LRRK2: variants seen among roughly 807,000 people sequenced by gnomAD.
LRRK2 encodes the protein leucine rich repeat kinase 2.
Under a neutral mutation model 302.6 loss-of-function variants are expected in LRRK2, and 203 were observed. The ratio of observed to expected loss-of-function variants is 0.67; its 90% CI spans 0.60 to 0.75. The LOEUF is 0.75. LRRK2 is among the 30% of genes least tolerant of loss of function. The probability of loss-of-function intolerance (pLI) is 0.00; values close to 1 mark genes in which losing one functional copy is unlikely to be tolerated. For synonymous variants in LRRK2, 1,066 were observed against 1,031.9 expected (o/e 1.03, Z -0.63); for missense variants, 2,830 against 2,951.0 (o/e 0.96, Z 0.95).
In LRRK2 at chr12:40,367,949, AGAAC is replaced by A; in HGVS notation, c.*185_*188del. On this transcript the variant is annotated 3_prime_UTR_variant, in exon 51 of 51. Coordinates refer to ENST00000298910, the MANE Select transcript of LRRK2 (RefSeq NM_198578.4). ...ACTTACCAGTAAATGTGTATTTTAAAGAACTATTTAAAACACAATGTTATATTTC... is the reference window on the plus strand; with the variant it reads ...ACTTACCAGTAAATGTGTATTTTAAATATTTAAAACACAATGTTATATTTC... The A allele has an allele frequency of 4.7e-6, 2 of 426,448 alleles. No individual in the cohort carries two copies. The highest frequency in any genetic ancestry group is 8.2e-6 in the Non-Finnish European group (2 of 245,358). 26.4% of individuals were successfully genotyped at this position (426,448 alleles called of 1,614,324 possible).
At chr12:40,360,917 G>C (rs1021974203) in intron 47 of LRRK2, among the ~76,000 whole-genome samples, 9 of 152,058 alleles carry the variant, frequency 5.9e-5, no homozygotes, top group African/African-American at 1.9e-4. Context: ...CTGAGTGGCA[G>C]GTTAGGTGAC....
chr12:40,331,597 C>A (rs903532414), intron 39 of LRRK2, among the ~76,000 whole-genome samples: 52 of 150,554 alleles, frequency 3.5e-4, no homozygotes, highest in African/African-American at 1.0e-3. Flanking sequence ...AAAAAAATTA[C>A]AAAAAAAAAA....
At chr12:40,295,195 T>C (rs1050070753) in intron 22 of LRRK2, among the ~76,000 whole-genome samples, 6 of 152,008 alleles carry the variant, frequency 3.9e-5, no homozygotes, top group Admixed American at 3.9e-4. Flanking sequence ...CATCCTCTCC[T>C]CCAGTTTTCT....
At chr12:40,330,276 G>A (rs866660156) in intron 39 of LRRK2, among the ~76,000 whole-genome samples, 19 of 152,064 alleles carry the variant, frequency 1.2e-4, no homozygotes, top group Admixed American at 3.3e-4. Context: ...CCATGTGGTG[G>A]ATATGTCATC....
rs767307387 is a variant in LRRK2, at chr12:40,320,041, G to T, written c.4881G>T (p.Ser1627=). The part of the protein sequence containing the change: ...GCPKHPKGII[S]RRDVEKFLSK... Reference sequence around the variant, plus strand: ...CAAAACACCCTAAGGGCATTATTTCGCGTAGAGATGTGGAAAAATTTCTTT... The same window carrying T: ...CAAAACACCCTAAGGGCATTATTTCTCGTAGAGATGTGGAAAAATTTCTTT... The change falls in exon 34 of 51, where the codon TCG becomes TCT. Residue 1627 remains serine, a synonymous_variant. Transcript: ENST00000298910. 6.2e-7 allele frequency: 1 copy of T among 1,611,676 alleles called. No individual in the cohort carries two copies. Among genetic ancestry groups the T allele is most frequent in the African/African-American group, 1.3e-5 (1 of 74,866 alleles).
At chr12:40,282,030 C>G in intron 18 of LRRK2, among the ~76,000 whole-genome samples, 1 of 14,862 alleles carries the variant, frequency 6.7e-5, no homozygotes, top group Non-Finnish European at 1.4e-4. Context: ...CTTCCCTTCC[C>G]TTCCCTTCCC....
At chr12:40,336,351 A>G (rs1440569198) in intron 40 of LRRK2, among the ~76,000 whole-genome samples, 1 of 152,192 alleles carries the variant, frequency 6.6e-6, no homozygotes, top group Non-Finnish European at 1.5e-5. Flanking sequence ...TCCAGCCCCT[A>G]TAGGACTATT....
At chr12:40,330,204 A>G (rs1201794561) in intron 39 of LRRK2, among the ~76,000 whole-genome samples, 1 of 152,178 alleles carries the variant, frequency 6.6e-6, no homozygotes, top group East Asian at 1.9e-4. Flanking sequence ...TTTTAAGAAA[A>G]GGTGTTTGTG....
rs139788905 is a variant in LRRK2, at chr12:40,251,175, A to C, written c.959-57A>C. 256 of 1,202,786 alleles carry C rather than the reference A, an allele frequency of 2.1e-4. 1 individual carries two copies. In the African/African-American group the frequency reaches 2.7e-3, roughly 13 times the overall value. The allele number at this position is 1,202,786 out of a possible 1,614,324, so 74.5% of individuals were successfully genotyped here. On this transcript the variant is annotated intron_variant, in intron 8 of 50. Transcript: ENST00000298910. ...CAAAATATGGACTTAGAGTTGGTCA[A>C]ACTGTTAAGTAGATAATATATATAA... is the stretch of plus-strand genomic sequence containing the variant.
At chr12:40,365,186 A>T in intron 49 of LRRK2, 136 bp downstream of exon 49, 1 of 773,302 alleles carries the variant, frequency 1.3e-6, no homozygotes, top group Non-Finnish European at 2.1e-6. Context: ...GAAACATAAG[A>T]CTGGTATAAA....
chr12:40,307,781 C>CTTTTTTTTTTTT (rs201473630), intron 28 of LRRK2, among the ~76,000 whole-genome samples: 31 of 119,370 alleles, frequency 2.6e-4, no homozygotes, highest in Middle Eastern at 5.8e-3. Flanking sequence ...CTTTTCTTTT[C>CTTTTTTTTTTTT]TTTTTTTTTT....
chr12:40,260,541 G>A (rs1942723042), intron 13 of LRRK2, among the ~76,000 whole-genome samples: 1 of 151,792 alleles, frequency 6.6e-6, no homozygotes, highest in Admixed American at 6.6e-5. Flanking sequence ...GAAAGGCTGA[G>A]GCCCAAAGAA....
chr12:40,292,471 T>C (rs1944197638), intron 20 of LRRK2, among the ~76,000 whole-genome samples: 1 of 151,934 alleles, frequency 6.6e-6, no homozygotes, highest in African/African-American at 2.4e-5. Flanking sequence ...AATAATGTGC[T>C]AATAGACATT....
chr12:40,228,827 A>C (rs1414083600), intron 2 of LRRK2, among the ~76,000 whole-genome samples: 2 of 152,108 alleles, frequency 1.3e-5, no homozygotes, highest in African/African-American at 4.8e-5. Context: ...CCAATATTTG[A>C]TTCTCACTGA....
At chr12:40,267,135 A>T (rs537475746) in intron 14 of LRRK2, among the ~76,000 whole-genome samples, 30 of 151,724 alleles carry the variant, frequency 2.0e-4, no homozygotes, top group East Asian at 3.9e-4. Context: ...AAGTATAATT[A>T]AAAAAAAATG....
At position 40,267,520 on chromosome 12, in the gene LRRK2, C is replaced by T. The variant is rs17519762; in HGVS notation, c.1656+3619C>T. ...ACATTCTCTAAAGTTATTAGAGAAGCCTAAGTGAGGTGTAACCTCAGCAGT... is the reference window on the plus strand; with the variant it reads ...ACATTCTCTAAAGTTATTAGAGAAGTCTAAGTGAGGTGTAACCTCAGCAGT... On this transcript the variant is annotated intron_variant, in intron 14 of 50. Transcript: ENST00000298910. Among the ~76,000 whole-genome samples, 1,483 of 152,152 alleles carry T rather than the reference C, an allele frequency of 9.7e-3. 24 individuals carry two copies. The highest frequency in any genetic ancestry group is 0.034 in the African/African-American group (1,431 of 41,520).
At position 40,294,847 on chromosome 12, in the gene LRRK2, G is replaced by A. The variant is rs1406863189; in HGVS notation, c.2811G>A (p.Gly937=). The A allele has an allele frequency of 4.0e-6, 6 of 1,514,728 alleles. No homozygotes were observed. The Middle Eastern group carries it at 6.0e-4, about 151-fold the overall frequency. The allele number at this position is 1,514,728 out of a possible 1,614,324, so 93.8% of individuals were successfully genotyped here. A position where few individuals can be genotyped will look rare whatever the true frequency, so the allele number is the denominator to read the frequency against. The change falls in exon 22 of 51, where the codon GGG becomes GGA. Residue 937 remains glycine (G), a splice_region_variant and synonymous_variant. Transcript: ENST00000298910. ...TATTATAAATTATTTTTTAATAGGG[G>A]CCCATTTTTGATCATGAAGATTTAC... ...PNLQRHSNSL[G]PIFDHEDLLK...
chr12:40,361,391 G>A (rs1373832834), intron 47 of LRRK2, among the ~76,000 whole-genome samples: 1 of 151,962 alleles, frequency 6.6e-6, no homozygotes, highest in Non-Finnish European at 1.5e-5. Context: ...ACATGTGCAG[G>A]TTTGTTACAA....
chr12:40,278,960 A>G (rs992441267), intron 18 of LRRK2, among the ~76,000 whole-genome samples: 2 of 152,092 alleles, frequency 1.3e-5, no homozygotes, highest in Admixed American at 6.5e-5. Flanking sequence ...GTGTGAAAAT[A>G]ACAGTGTACA....
Sources: allele counts gnomAD v4.1 joint callset (sites outside exome capture counted in the v4.1 genomes callset), GRCh38; gene constraint gnomAD v4.1.1; transcripts MANE v1.5; gene names NCBI Gene and HGNC (gene_info 2026-07-23, HGNC 2026-07-21).